The following PCLO variants were observed in gnomAD, a reference collection of about 807,000 sequenced individuals.
PCLO encodes the protein protein piccolo.
In PCLO, 82 loss-of-function variants were observed where a neutral mutation model predicts 427.5. That is an observed-to-expected ratio of 0.19 (90% CI 0.16 to 0.23). The LOEUF (loss-of-function observed/expected upper bound fraction) is 0.23. Among genes scored for constraint, PCLO ranks in the 10% least tolerant of loss-of-function variants. The probability of loss-of-function intolerance (pLI) is 1.00; values close to 1 mark genes in which losing one functional copy is unlikely to be tolerated. For missense variants in PCLO, 6,239 were observed against 6,115.9 expected, an observed-to-expected ratio of 1.02 and a Z score of -0.67; for synonymous variants, 2,357 against 2,155.4, an observed-to-expected ratio of 1.09 and a Z score of -2.59.
intron 20 of PCLO, among the ~76,000 whole-genome samples, chr7:82,808,307 G>C (rs1016372728): frequency 2.0e-5 from 3 of 151,602 alleles, no homozygotes; most frequent in African/African-American, 7.3e-5. Context: ...AACTCACAAT[G>C]AACAAAAATA....
At chr7:82,939,609 T>C (rs200280411) in intron 6 of PCLO, among the ~76,000 whole-genome samples, 2 of 150,710 alleles carry the variant, frequency 1.3e-5, no homozygotes, top group South Asian at 2.1e-4. Flanking sequence ...ATATTTCTTT[T>C]TCCCACTGGA....
At chr7:82,809,432 C>T (rs999670534) in intron 20 of PCLO, among the ~76,000 whole-genome samples, 2 of 151,626 alleles carry the variant, frequency 1.3e-5, no homozygotes, top group Admixed American at 6.6e-5. Flanking sequence ...CAGAAATCAC[C>T]TGCTTCATGC....
rs899390813 is a variant in PCLO, at chr7:82,756,255, G to C, written c.*2320C>G. ...TTTTATGTCAGAAGGAGATCTCCTT[G>C]GACCTTTTCTTCCCCAATTATGAGT... On this transcript the variant is annotated 3_prime_UTR_variant, in exon 25 of 25. Transcript: ENST00000333891. 1 of 152,000 alleles carries C rather than the reference G, an allele frequency of 6.6e-6. No homozygotes were observed. The highest frequency in any genetic ancestry group is 1.5e-5 in the Non-Finnish European group (1 of 68,010). The allele number at this position is 152,000 out of a possible 1,614,324, so 9.4% of individuals were successfully genotyped here.
intron 3 of PCLO, among the ~76,000 whole-genome samples, chr7:83,022,129 G>C (rs1788359056): frequency 6.6e-6 from 1 of 151,986 alleles, no homozygotes; most frequent in African/African-American, 2.4e-5. Flanking sequence ...AATGGGATTA[G>C]TGCCCATATG....
chr7:83,042,500 T>C (rs866359211), intron 3 of PCLO, among the ~76,000 whole-genome samples: 1 of 152,110 alleles, frequency 6.6e-6, no homozygotes, highest in Non-Finnish European at 1.5e-5. Context: ...TGACAGATGA[T>C]CTAGTCAAAT....
chr7:82,776,194 C>G (rs1223142099), intron 22 of PCLO, among the ~76,000 whole-genome samples: 1 of 152,008 alleles, frequency 6.6e-6, no homozygotes, highest in South Asian at 2.1e-4. Flanking sequence ...ATATATTAAC[C>G]AAAACCAATA....
intron 3 of PCLO, among the ~76,000 whole-genome samples, chr7:82,995,732 A>T (rs1381940137): frequency 6.6e-6 from 1 of 151,950 alleles, no homozygotes; most frequent in Non-Finnish European, 1.5e-5. Context: ...TCTGTGTCTC[A>T]CTTTCTTCAT....
chr7:82,930,819 G>T (rs1379671450), intron 6 of PCLO, among the ~76,000 whole-genome samples: 1 of 152,070 alleles, frequency 6.6e-6, no homozygotes, highest in African/African-American at 2.4e-5. Context: ...TTCCACTAAT[G>T]ATATGTGATG....
In PCLO at chr7:82,800,095, T is replaced by A. The variant is rs181288051; in HGVS notation, c.15007+1423A>T. 4.2e-4 allele frequency among the ~76,000 whole-genome samples: 64 copies of A among 152,218 alleles called. 3 individuals are homozygous for A. Among genetic ancestry groups the A allele is most frequent in the Admixed American group, 3.7e-3 (56 of 15,292 alleles). On this transcript the variant is annotated intron_variant, in intron 22 of 24. Coordinates refer to ENST00000333891, the MANE Select transcript of PCLO (RefSeq NM_033026.6). The stretch of plus-strand genomic sequence containing the variant: ...ACGGTAGGTAAAAAGATTGGTAGAT[T>A]GAGGGTGGAACCCTGAAGTATATAG...
chr7:82,776,947 T>C (rs1790767496), intron 22 of PCLO, among the ~76,000 whole-genome samples: 1 of 151,564 alleles, frequency 6.6e-6, no homozygotes, highest in African/African-American at 2.4e-5. Flanking sequence ...CACATACATA[T>C]ATATAAAACC....
chr7:83,091,425 A>G (rs529228168), intron 3 of PCLO, among the ~76,000 whole-genome samples: 3 of 152,114 alleles, frequency 2.0e-5, no homozygotes, highest in Admixed American at 6.5e-5. Context: ...AGGATAAATA[A>G]AGTTTTTTCC....
intron 3 of PCLO, among the ~76,000 whole-genome samples, chr7:83,052,166 A>T (rs537610400): frequency 6.6e-6 from 1 of 152,064 alleles, no homozygotes; most frequent in Non-Finnish European, 1.5e-5. Flanking sequence ...AGATTCATGA[A>T]AGAAAAAAAT....
intron 1 of PCLO, among the ~76,000 whole-genome samples, chr7:83,157,312 C>A: frequency 6.6e-6 from 1 of 151,958 alleles, no homozygotes; most frequent in African/African-American, 2.4e-5. Context: ...GATTATTAAC[C>A]CAAAATTTTT....
chr7:83,074,564 T>C (rs904062368), intron 3 of PCLO, among the ~76,000 whole-genome samples: 1 of 152,138 alleles, frequency 6.6e-6, no homozygotes, highest in African/African-American at 2.4e-5. Context: ...TTAAAATCTT[T>C]TAAAGGAACT....
intron 3 of PCLO, among the ~76,000 whole-genome samples, chr7:83,031,235 A>T (rs1337249032): frequency 6.6e-6 from 1 of 152,238 alleles, no homozygotes; most frequent in Non-Finnish European, 1.5e-5. Context: ...GATCAGTTCA[A>T]ACTCAGAGAC....
intron 3 of PCLO, among the ~76,000 whole-genome samples, chr7:83,037,135 T>C (rs1452016678): frequency 6.6e-6 from 1 of 152,130 alleles, no homozygotes; most frequent in Non-Finnish European, 1.5e-5. Context: ...AAAACAAACC[T>C]GCTTTAGCAG....
intron 2 of PCLO, among the ~76,000 whole-genome samples, chr7:83,152,539 T>C (rs1792165246): frequency 6.6e-6 from 1 of 152,146 alleles, no homozygotes; most frequent in Non-Finnish European, 1.5e-5. Flanking sequence ...CTATCTCCAA[T>C]CTCATTGCCC....
At chr7:82,958,013 T>C (rs756203998) in intron 4 of PCLO, among the ~76,000 whole-genome samples, 9 of 152,230 alleles carry the variant, frequency 5.9e-5, no homozygotes, top group Non-Finnish European at 1.3e-4. Flanking sequence ...ATTAAAAATA[T>C]ATATGAGCAA....
intron 3 of PCLO, among the ~76,000 whole-genome samples, chr7:83,130,290 C>G (rs1241314290): frequency 1.3e-5 from 2 of 152,134 alleles, no homozygotes; most frequent in Non-Finnish European, 2.9e-5. Context: ...AGCAATTCTC[C>G]TTCCTCAGCT....
Sources: gnomAD v4.1 joint callset for allele counts (sites outside exome capture counted in the v4.1 genomes callset) on GRCh38, gnomAD v4.1.1 for gene constraint, MANE v1.5 for transcripts, NCBI Gene and HGNC (gene_info 2026-07-23, HGNC 2026-07-21) for gene names.